Variants in CNTNAP5 observed in about 807,000 individuals in gnomAD.
CNTNAP5 encodes the protein contactin-associated protein-like 5.
CNTNAP5 carries 72 observed loss-of-function variants against 150.2 expected under a neutral mutation model. The ratio of observed to expected loss-of-function variants is 0.48; its 90% CI spans 0.40 to 0.58. CNTNAP5 has a LOEUF of 0.58. Among genes scored for constraint, CNTNAP5 ranks in the 20% least tolerant of loss-of-function variants. CNTNAP5 has a pLI of 0.00. For synonymous variants in CNTNAP5, 672 were observed against 619.8 expected, an observed-to-expected ratio of 1.08 and a Z score of -1.25; for missense variants, 1,636 against 1,626.2, an observed-to-expected ratio of 1.01 and a Z score of -0.10.
intron 1 of CNTNAP5, among the ~76,000 whole-genome samples, chr2:124,048,123 A>G (rs913570341): frequency 6.6e-6 from 1 of 152,178 alleles, no homozygotes; most frequent in African/African-American, 2.4e-5. Context: ...TGTCATATGC[A>G]TATCTTTAAT....
chr2:124,773,285 G>A (rs1281620411), intron 17 of CNTNAP5, among the ~76,000 whole-genome samples: 1 of 152,018 alleles, frequency 6.6e-6, no homozygotes, highest in Non-Finnish European at 1.5e-5. Context: ...GATGCCCAGG[G>A]ACCCCTTTTG....
intron 13 of CNTNAP5, among the ~76,000 whole-genome samples, chr2:124,724,450 G>A (rs973562149): frequency 7.2e-5 from 11 of 152,026 alleles, no homozygotes; most frequent in African/African-American, 2.7e-4. Context: ...GTGGCAAGGC[G>A]CACAAGTCAG....
intron 13 of CNTNAP5, among the ~76,000 whole-genome samples, chr2:124,666,680 C>G (rs957820084): frequency 6.6e-6 from 1 of 152,100 alleles, no homozygotes; most frequent in Admixed American, 6.5e-5. Context: ...AAATGGTACA[C>G]CACTATGCAC....
intron 1 of CNTNAP5, among the ~76,000 whole-genome samples, chr2:124,170,593 C>T (rs772545302): frequency 1.3e-5 from 2 of 152,102 alleles, no homozygotes; most frequent in African/African-American, 4.8e-5. Flanking sequence ...TTAAGGAGTG[C>T]CCTGGGTAAG....
intron 14 of CNTNAP5, among the ~76,000 whole-genome samples, chr2:124,753,474 C>T (rs1252836031): frequency 6.6e-6 from 1 of 152,178 alleles, no homozygotes; most frequent in Non-Finnish European, 1.5e-5. Flanking sequence ...AGCCATTACT[C>T]CTGTTTCACA....
chr2:124,064,129 C>A (rs527663731), intron 1 of CNTNAP5, among the ~76,000 whole-genome samples: 11 of 152,122 alleles, frequency 7.2e-5, no homozygotes, highest in African/African-American at 2.7e-4. Flanking sequence ...AAATTAGCGA[C>A]TTCGAAGGCC....
chr2:124,731,926 C>A (rs934231245), intron 13 of CNTNAP5, among the ~76,000 whole-genome samples: 4 of 151,608 alleles, frequency 2.6e-5, no homozygotes, highest in African/African-American at 7.3e-5. Context: ...TAAGACAATT[C>A]AAGAGTTTAT....
intron 13 of CNTNAP5, among the ~76,000 whole-genome samples, chr2:124,667,036 A>G (rs906420097): frequency 1.3e-5 from 2 of 152,250 alleles, no homozygotes; most frequent in African/African-American, 4.8e-5. Context: ...GGGAAACATG[A>G]GCAATGATTG....
At chr2:124,576,689 C>A (rs188852417) in intron 11 of CNTNAP5, among the ~76,000 whole-genome samples, 1 of 152,134 alleles carries the variant, frequency 6.6e-6, no homozygotes, top group East Asian at 1.9e-4. Context: ...GGGTTAAATT[C>A]CAGGCTCTAA....
intron 13 of CNTNAP5, among the ~76,000 whole-genome samples, chr2:124,696,561 G>T (rs1679410582): frequency 6.6e-6 from 1 of 152,116 alleles, no homozygotes; most frequent in Non-Finnish European, 1.5e-5. Context: ...CTAAGTCACT[G>T]AGTCATATGT....
At chr2:124,136,556 C>T (rs1336833316) in intron 1 of CNTNAP5, among the ~76,000 whole-genome samples, 3 of 152,142 alleles carry the variant, frequency 2.0e-5, no homozygotes, top group African/African-American at 7.2e-5. Flanking sequence ...AAATATTGAG[C>T]ATCTCATGTA....
intron 1 of CNTNAP5, among the ~76,000 whole-genome samples, chr2:124,116,815 T>C (rs377560809): frequency 6.6e-6 from 1 of 152,188 alleles, no homozygotes; most frequent in East Asian, 1.9e-4. Flanking sequence ...ACATCATCTT[T>C]TGGAGGCCAC....
chr2:124,651,769 G>A (rs1678327668), intron 13 of CNTNAP5, among the ~76,000 whole-genome samples: 1 of 152,184 alleles, frequency 6.6e-6, no homozygotes, highest in Non-Finnish European at 1.5e-5. Context: ...CTCTGTGAAG[G>A]CCACGGAGTT....
rs557315840 is a variant in CNTNAP5 at position 124,758,164 on chromosome 2, G to A, written c.2235-5508G>A. The stretch of plus-strand genomic sequence containing the variant: ...CAGCATGAGGATAAAGCAGTTGAAT[G>A]GAGAGATATGAAGAAGGTGAAATTG... On this transcript the variant is annotated intron_variant, in intron 14 of 23. Transcript: ENST00000682447. Among the ~76,000 whole-genome samples the A allele has an allele frequency of 3.9e-5, 6 of 152,198 alleles. No homozygotes were observed. In the South Asian group the frequency reaches 1.0e-3, roughly 26 times the overall value.
chr2:124,472,368 G>A (rs144134507), intron 6 of CNTNAP5, among the ~76,000 whole-genome samples: 1 of 151,948 alleles, frequency 6.6e-6, no homozygotes, highest in Admixed American at 6.6e-5. Flanking sequence ...GTTATGTATA[G>A]CTGAGAAATA....
chr2:124,495,925 T>G (rs1694131799), intron 7 of CNTNAP5, among the ~76,000 whole-genome samples: 1 of 152,102 alleles, frequency 6.6e-6, no homozygotes, highest in Non-Finnish European at 1.5e-5. Context: ...TAAAGCCCTG[T>G]AACAATGCTT....
chr2:124,111,345 C>G (rs1315380670), intron 1 of CNTNAP5, among the ~76,000 whole-genome samples: 2 of 152,128 alleles, frequency 1.3e-5, no homozygotes, highest in Non-Finnish European at 2.9e-5. Context: ...CATGTAGCCA[C>G]TGTGATTGCA....
At chr2:124,294,044 T>C (rs1317845141) in intron 3 of CNTNAP5, among the ~76,000 whole-genome samples, 1 of 152,094 alleles carries the variant, frequency 6.6e-6, no homozygotes, top group Non-Finnish European at 1.5e-5. Context: ...TGCATGGGGC[T>C]GGGAGAAAGG....
At chr2:124,036,307 G>A (rs555294478) in intron 1 of CNTNAP5, among the ~76,000 whole-genome samples, 3 of 152,136 alleles carry the variant, frequency 2.0e-5, no homozygotes, top group Admixed American at 2.0e-4. Flanking sequence ...AATTCACAAG[G>A]GAAAAGGAAA....
Sources: gnomAD v4.1 joint callset for allele counts (sites outside exome capture counted in the v4.1 genomes callset) on GRCh38, gnomAD v4.1.1 for gene constraint, MANE v1.5 for transcripts, NCBI Gene and HGNC (gene_info 2026-07-23, HGNC 2026-07-21) for gene names.